Variants in COL19A1 observed in about 807,000 individuals in gnomAD.
The protein encoded by COL19A1 is collagen alpha-1(XIX) chain.
Under a neutral mutation model 190.2 loss-of-function variants are expected in COL19A1, and 159 were observed. The observed-to-expected ratio is 0.84, with a 90% CI of 0.73 to 0.95. The LOEUF is 0.95. COL19A1 is among the 40% of genes least tolerant of loss of function. The pLI is 0.00. For missense variants in COL19A1, 1,418 were observed against 1,431.9 expected, an observed-to-expected ratio of 0.99 and a Z score of 0.16; for synonymous variants, 509 against 458.9, an observed-to-expected ratio of 1.11 and a Z score of -1.39.
At chr6:70,205,839 A>C (rs1271962360) in intron 49 of COL19A1, among the ~76,000 whole-genome samples, 1 of 152,230 alleles carries the variant, frequency 6.6e-6, no homozygotes. Context: ...ATATAGACAG[A>C]TCTTAGACCT....
At position 70,034,225 on chromosome 6, in the gene COL19A1, T is replaced by C; in HGVS notation, c.1081-20T>C. The C allele has an allele frequency of 6.3e-7, 1 of 1,576,632 alleles. No individual in the cohort carries two copies. Reference sequence around the variant, plus strand: ...TTAAAGCTTTCTGTGAACTGTGTATTGGTTATATTCTTTCTACAGGGTTTG... The same window carrying C: ...TTAAAGCTTTCTGTGAACTGTGTATCGGTTATATTCTTTCTACAGGGTTTG... On this transcript the variant is annotated intron_variant, in intron 12 of 50. Coordinates refer to ENST00000620364, the MANE Select transcript of COL19A1 (RefSeq NM_001858.6).
chr6:70,201,006 T>C (rs575599168), intron 49 of COL19A1, among the ~76,000 whole-genome samples: 3 of 152,316 alleles, frequency 2.0e-5, no homozygotes, highest in South Asian at 2.1e-4. Flanking sequence ...CCTCTATGTA[T>C]ACACTATTGT....
At chr6:70,116,253 C>T (rs1480864347) in intron 16 of COL19A1, among the ~76,000 whole-genome samples, 2 of 152,150 alleles carry the variant, frequency 1.3e-5, no homozygotes, top group Non-Finnish European at 2.9e-5. Context: ...AAGAAGCAAG[C>T]CCTTTGCTCT....
At chr6:69,988,650 G>A (rs746839082) in intron 11 of COL19A1, among the ~76,000 whole-genome samples, 25 of 152,120 alleles carry the variant, frequency 1.6e-4, no homozygotes, top group Non-Finnish European at 3.1e-4. Context: ...CAACACCCAC[G>A]TGTTAAGAGA....
chr6:69,949,750 A>G (rs973469682), intron 9 of COL19A1, among the ~76,000 whole-genome samples: 1 of 151,810 alleles, frequency 6.6e-6, no homozygotes, highest in South Asian at 2.1e-4. Flanking sequence ...GCATCCCCTT[A>G]ACTTTGACTC....
intron 9 of COL19A1, among the ~76,000 whole-genome samples, chr6:69,939,356 G>A (rs1773309368): frequency 6.6e-6 from 1 of 152,032 alleles, no homozygotes; most frequent in African/African-American, 2.4e-5. Context: ...TGAGAAGAAT[G>A]TTTTAGATAT....
intron 16 of COL19A1, among the ~76,000 whole-genome samples, chr6:70,114,216 C>T (rs551791297): frequency 4.6e-5 from 7 of 152,160 alleles, no homozygotes; most frequent in African/African-American, 1.7e-4. Flanking sequence ...TGATTGTATA[C>T]CTCATTAATC....
intron 15 of COL19A1, among the ~76,000 whole-genome samples, chr6:70,091,494 C>T (rs1386052237): frequency 1.3e-5 from 2 of 152,124 alleles, no homozygotes; most frequent in Non-Finnish European, 2.9e-5. Context: ...ATTCTGGGCA[C>T]ATGCCAGCTG....
chr6:70,107,939 T>TA (rs1562180353), intron 16 of COL19A1, among the ~76,000 whole-genome samples: 2 of 152,174 alleles, frequency 1.3e-5, no homozygotes, highest in Non-Finnish European at 2.9e-5. Context: ...TTGTCTTTTT[T>TA]AAAAACCTTC....
At chr6:70,080,566 C>T (rs1255712389) in intron 15 of COL19A1, among the ~76,000 whole-genome samples, 1 of 152,146 alleles carries the variant, frequency 6.6e-6, no homozygotes, top group Non-Finnish European at 1.5e-5. Context: ...TTTGTCAGAA[C>T]ACAGTTCTAA....
At chr6:69,902,191 C>A (rs1445877784) in intron 4 of COL19A1, among the ~76,000 whole-genome samples, 1 of 152,174 alleles carries the variant, frequency 6.6e-6, no homozygotes, top group Non-Finnish European at 1.5e-5. Flanking sequence ...TAGGATGCTT[C>A]TCTTGCATGA....
intron 16 of COL19A1, among the ~76,000 whole-genome samples, chr6:70,103,569 A>G (rs951079108): frequency 4.6e-5 from 7 of 152,078 alleles, no homozygotes; most frequent in Non-Finnish European, 1.0e-4. Context: ...ATCCTCCTCT[A>G]TGCCCTTCCT....
chr6:69,942,836 A>G (rs1427276083), intron 9 of COL19A1, among the ~76,000 whole-genome samples: 2 of 151,242 alleles, frequency 1.3e-5, no homozygotes, highest in African/African-American at 4.9e-5. Context: ...TGTATTAGCG[A>G]TTGTGAGTAG....
chr6:70,084,357 A>C (rs543082044), intron 15 of COL19A1, among the ~76,000 whole-genome samples: 5 of 152,210 alleles, frequency 3.3e-5, no homozygotes, highest in Non-Finnish European at 5.9e-5. Flanking sequence ...GTTCAAGTCT[A>C]TGGCCGAATT....
intron 41 of COL19A1, among the ~76,000 whole-genome samples, chr6:70,173,273 A>G (rs1053614735): frequency 6.6e-6 from 1 of 152,222 alleles, no homozygotes; most frequent in Non-Finnish European, 1.5e-5. Flanking sequence ...GGAGATATAA[A>G]TTTGGCTGTT....
At chr6:69,922,006 A>G (rs1253528055) in intron 4 of COL19A1, among the ~76,000 whole-genome samples, 1 of 152,128 alleles carries the variant, frequency 6.6e-6, no homozygotes, top group African/African-American at 2.4e-5. Context: ...CTGTCATTAT[A>G]TCTCTCTGGT....
At chr6:69,974,303 C>G in intron 11 of COL19A1, 1 of 152,118 alleles carries the variant, frequency 6.6e-6, no homozygotes, top group South Asian at 2.1e-4. Context: ...AGCGATAATG[C>G]TTTGGGCAAA....
intron 14 of COL19A1, among the ~76,000 whole-genome samples, chr6:70,054,659 C>A (rs1455350687): frequency 2.0e-5 from 3 of 152,080 alleles, no homozygotes; most frequent in Non-Finnish European, 2.9e-5. Flanking sequence ...ATTAAAGAAT[C>A]AAACAGTACT....
intron 14 of COL19A1, among the ~76,000 whole-genome samples, chr6:70,063,626 A>C (rs965607773): frequency 2.0e-5 from 3 of 152,180 alleles, no homozygotes; most frequent in Admixed American, 6.5e-5. Flanking sequence ...AGAAATAACT[A>C]AGATCAGAGC....
Sources: gnomAD v4.1 joint callset for allele counts (sites outside exome capture counted in the v4.1 genomes callset) on GRCh38, gnomAD v4.1.1 for gene constraint, MANE v1.5 for transcripts, NCBI Gene and HGNC (gene_info 2026-07-23, HGNC 2026-07-21) for gene names.